PTPRS: variants seen among roughly 807,000 people sequenced by gnomAD.
PTPRS encodes protein tyrosine phosphatase receptor type S, also known as receptor-type tyrosine-protein phosphatase S.
Under a neutral mutation model 215.3 loss-of-function variants are expected in PTPRS, and 63 were observed. The ratio of observed to expected loss-of-function variants is 0.29; its 90% confidence interval spans 0.24 to 0.36. The LOEUF (loss-of-function observed/expected upper bound fraction) is 0.36. Ranked by LOEUF, PTPRS falls within the 10% of genes least tolerant of loss-of-function variation. The pLI is 1.00. For missense variants in PTPRS, 2,258 were observed against 2,825.8 expected (o/e 0.80, Z 4.56); for synonymous variants, 1,404 against 1,191.4 (o/e 1.18, Z -3.68).
Position 5,302,833 on chromosome 19 carries a change from G to A in PTPRS, c.-94-16599C>T, listed in dbSNP as rs77275349. Among the ~76,000 whole-genome samples the A allele has an allele frequency of 2.9e-3, 443 of 151,138 alleles. 12 individuals carry two copies. The East Asian group carries it at 0.03, about 10-fold the overall frequency. On this transcript the variant is annotated intron_variant, in intron 1 of 37. Coordinates refer to ENST00000262963, the MANE Select transcript of PTPRS (RefSeq NM_002850.4). ...AGCACTTTGGGAGGTTGAGGCGGGC[G>A]GATCACGAGGTCAGGAGATCGAGAC...
intron 8 of PTPRS, among the ~76,000 whole-genome samples, 198 bp from the exon 9 acceptor site, chr19:5,256,317 C>T (rs2045554223): frequency 6.6e-6 from 1 of 151,536 alleles, no homozygotes; most frequent in South Asian, 2.1e-4. Flanking sequence ...TTTGTCTTCT[C>T]TCCACTCTGC....
In PTPRS at chr19:5,206,234, TTTTG is replaced by T. The variant is rs138275722; in HGVS notation, c.*536_*539del. The T allele has an allele frequency of 0.63, 139,881 of 223,626 alleles. 44,225 individuals are homozygous for T. The highest frequency in any genetic ancestry group is 0.7 in the South Asian group (3,771 of 5,408). The allele number at this position is 223,626 out of a possible 1,614,324, so 13.9% of individuals were successfully genotyped here. A position where few individuals can be genotyped will look rare whatever the true frequency, so the allele number is the denominator to read the frequency against. ...TTTGAAAGTCATTGACTGGCGAGTC[TTTTG>T]TTTGTTTCTCTTAAAAAAAAAAATG... On this transcript the variant is annotated 3_prime_UTR_variant, in exon 38 of 38. Transcript: ENST00000262963.
chr19:5,236,617 G>A (rs1434320327), intron 13 of PTPRS, among the ~76,000 whole-genome samples: 1 of 152,214 alleles, frequency 6.6e-6, no homozygotes, highest in Non-Finnish European at 1.5e-5. Context: ...TATCCTGCTA[G>A]CATCTGAAAC....
At chr19:5,249,244 GA>G (rs1256314457) in intron 9 of PTPRS, among the ~76,000 whole-genome samples, 14 of 152,234 alleles carry the variant, frequency 9.2e-5, no homozygotes, top group African/African-American at 3.4e-4. Context: ...CCGGGAGGCA[GA>G]GGTTGCAGTG....
intron 1 of PTPRS, among the ~76,000 whole-genome samples, chr19:5,307,276 C>G (rs1248543102): frequency 1.3e-5 from 2 of 152,128 alleles, no homozygotes; most frequent in Non-Finnish European, 2.9e-5. Context: ...CCATTGCACT[C>G]TAGCCTGGCC....
At chr19:5,329,684 G>A (rs1276266525) in intron 1 of PTPRS, among the ~76,000 whole-genome samples, 1 of 151,862 alleles carries the variant, frequency 6.6e-6, no homozygotes, top group African/African-American at 2.4e-5. Context: ...AGAATGGCGT[G>A]AACCCGGGAG....
chr19:5,255,972 C>G (rs2045523072), intron 9 of PTPRS, 136 bp downstream of exon 9: 1 of 637,116 alleles, frequency 1.6e-6, no homozygotes, highest in Admixed American at 4.0e-5. Flanking sequence ...AATTGTTGTT[C>G]ATTTTTCTAT....
intron 1 of PTPRS, among the ~76,000 whole-genome samples, chr19:5,336,268 G>T (rs1036171527): frequency 7.1e-6 from 1 of 140,242 alleles, no homozygotes; most frequent in Admixed American, 7.1e-5. Flanking sequence ...GGAAAAGGGG[G>T]GGGGGCGGGG....
intron 16 of PTPRS, 26 bp from the exon 17 acceptor site, chr19:5,225,870 C>G: frequency 6.3e-7 from 1 of 1,596,680 alleles, no homozygotes. Context: ...GGGGTCAGCA[C>G]GACGGCTGGG....
intron 1 of PTPRS, among the ~76,000 whole-genome samples, chr19:5,305,366 C>A (rs975116189): frequency 2.0e-5 from 3 of 151,792 alleles, no homozygotes; most frequent in African/African-American, 7.3e-5. Context: ...GGCAACACAG[C>A]GAGACCCTGT....
chr19:5,212,562 G>A, intron 30 of PTPRS, 71 bp from the exon 31 acceptor site: 3 of 1,508,500 alleles, frequency 2.0e-6, no homozygotes, highest in Non-Finnish European at 2.7e-6. Flanking sequence ...ATGCCCAAGT[G>A]GCCGGGTGTG....
At position 5,220,286 on chromosome 19, in the gene PTPRS, T is replaced by A; in HGVS notation, c.3523A>T (p.Ser1175Cys). 1 of 1,614,074 alleles carries A rather than the reference T, an allele frequency of 6.2e-7. No individual in the cohort carries two copies. The highest frequency in any genetic ancestry group is 8.5e-7 in the Non-Finnish European group (1 of 1,179,980). Residue 1175 changes from serine (S) to cysteine (C), a missense_variant, in exon 21 of 38, where the codon AGC (serine) becomes TGC (cysteine). Physicochemically the swap from Ser to Cys is moderately radical, Grantham distance 112 (BLOSUM62 -1). Around this residue, in one of 6 missense-constraint regions of PTPRS, gnomAD observed 927 missense variants for 1,125.9 expected, o/e 0.82. Transcript: ENST00000262963. ...RGGQFLTPLGSPEDMDLEELI... is the reference protein window; with the variant it reads ...RGGQFLTPLGCPEDMDLEELI... ...TCTTCCAGATCCATGTCCTCTGGGC[T>A]ACCCAGCGGGGTCAGGAATTGGCCT...
intron 9 of PTPRS, among the ~76,000 whole-genome samples, chr19:5,248,980 G>A (rs2044756059): frequency 6.6e-6 from 1 of 152,232 alleles, no homozygotes; most frequent in African/African-American, 2.4e-5. Flanking sequence ...CGATCAAACA[G>A]CTTCTCTACC....
At position 5,240,217 on chromosome 19, in the gene PTPRS, T is replaced by C. The variant is rs377077717; in HGVS notation, c.1686A>G (p.Glu562=). Residue 562 remains glutamate (E), a synonymous_variant, in exon 12 of 38, where the codon GAA becomes GAG. Coordinates refer to ENST00000262963, the MANE Select transcript of PTPRS (RefSeq NM_002850.4). ...SIIKYELLFR[E]GDHGREVGRT... Reference sequence around the variant, plus strand: ...GCCTCACCTCCCGGCCATGGTCGCCTTCCCGGAAGAGGAGCTCGTACTTGA... The same window carrying C: ...GCCTCACCTCCCGGCCATGGTCGCCCTCCCGGAAGAGGAGCTCGTACTTGA... 1.9e-5 allele frequency: 30 copies of C among 1,550,384 alleles called. No homozygotes were observed. The highest frequency in any genetic ancestry group is 2.4e-5 in the Non-Finnish European group (28 of 1,147,372).
At chr19:5,327,061 T>C (rs2050188190) in intron 1 of PTPRS, among the ~76,000 whole-genome samples, 1 of 152,124 alleles carries the variant, frequency 6.6e-6, no homozygotes, top group African/African-American at 2.4e-5. Context: ...GGTCCAAGGG[T>C]AGCCCCGCTC....
chr19:5,212,204 G>C lies in PTPRS; in HGVS notation c.4816C>G (p.Leu1606Val). ...TGCFIVIDAM[L>V]ERIKPEKTVD... is the part of the protein sequence containing the mutation. ...GTCTTCTCTGGCTTGATCCGCTCAA[G>C]CATGGCGTCGATGACGATAAAGCAG... is the stretch of plus-strand genomic sequence containing the variant. The change falls in exon 32 of 38, where the codon CTT becomes GTT. Residue 1606 changes from leucine to valine, a missense_variant. Leu to Val is a conservative substitution (Grantham distance 32). Around this residue, in one of 6 missense-constraint regions of PTPRS, gnomAD observed 927 missense variants for 1,125.9 expected, o/e 0.82. Coordinates refer to ENST00000262963, the MANE Select transcript of PTPRS (RefSeq NM_002850.4). 6.2e-7 allele frequency: 1 copy of C among 1,613,610 alleles called. No individual in the cohort carries two copies. Among genetic ancestry groups the C allele is most frequent in the African/African-American group, 1.3e-5 (1 of 75,074 alleles).
At position 5,302,209 on chromosome 19, in the gene PTPRS, T is replaced by A. The variant is rs541110567; in HGVS notation, c.-94-15975A>T. 2.0e-5 allele frequency among the ~76,000 whole-genome samples: 3 copies of A among 151,526 alleles called. No homozygotes were observed. In the South Asian group the frequency reaches 6.3e-4, roughly 32 times the overall value. Reference sequence around the variant, plus strand: ...AGAGACCCCCGTCTCTAAAAAAAATTAAAAATTAGCTGGGCATGGCAGTAC... The same window carrying A: ...AGAGACCCCCGTCTCTAAAAAAAATAAAAAATTAGCTGGGCATGGCAGTAC... On this transcript the variant is annotated intron_variant, in intron 1 of 37. Coordinates refer to ENST00000262963, the MANE Select transcript of PTPRS (RefSeq NM_002850.4).
chr19:5,260,713 AG>A, intron 7 of PTPRS, 91 bp downstream of exon 7: 1 of 1,509,826 alleles, frequency 6.6e-7, no homozygotes. Context: ...CACGCATGGA[AG>A]GGGGCCTGGG....
intron 11 of PTPRS, among the ~76,000 whole-genome samples, chr19:5,243,424 C>G (rs554784596): frequency 6.6e-6 from 1 of 152,080 alleles, no homozygotes; most frequent in Non-Finnish European, 1.5e-5. Flanking sequence ...GTGTGAGCCA[C>G]CGCCTCCGGC....
Sources: gnomAD v4.1 joint callset for allele counts (sites outside exome capture counted in the v4.1 genomes callset) on GRCh38, gnomAD v4.1.1 for gene constraint, gnomAD v4.1.1 regional missense constraint, MANE v1.5 for transcripts, NCBI Gene and HGNC (gene_info 2026-07-23, HGNC 2026-07-21) for gene names.